Variants in IL13RA1 observed in about 807,000 individuals in gnomAD.
IL13RA1 encodes interleukin 13 receptor subunit alpha 1, also known as interleukin-13 receptor subunit alpha-1.
In IL13RA1, 14 loss-of-function variants were observed where a neutral mutation model predicts 33.8. The observed-to-expected ratio is 0.41, with a 90% CI of 0.27 to 0.65. The LOEUF (loss-of-function observed/expected upper bound fraction) is 0.65, where lower values mean the gene tolerates loss of function less well. Ranked by LOEUF, IL13RA1 falls within the 30% of genes least tolerant of loss-of-function variation. The pLI, the probability that IL13RA1 is intolerant of heterozygous loss-of-function variation, is 0.28. For missense variants in IL13RA1, 313 were observed against 327.0 expected (o/e 0.96, Z 0.33); for synonymous variants, 116 against 115.7 (o/e 1.00, Z -0.02).
intron 1 of IL13RA1, among the ~76,000 whole-genome samples, chrX:118,733,725 GT>G (rs1320563903): frequency 9.0e-6 from 1 of 111,437 alleles, no homozygotes; most frequent in Non-Finnish European, 1.9e-5. Flanking sequence ...TTTGTCTTAT[GT>G]TTTCTTCTAA....
At chrX:118,756,183 A>G (rs1416359968) in intron 4 of IL13RA1, among the ~76,000 whole-genome samples, 3 of 109,848 alleles carry the variant, frequency 2.7e-5, no homozygotes, top group Admixed American at 9.8e-5. Flanking sequence ...AGGATTTGGG[A>G]CTCTTTACTC....
chrX:118,781,475 C>G (rs1239285057), intron 10 of IL13RA1, among the ~76,000 whole-genome samples: 2 of 111,036 alleles, frequency 1.8e-5, no homozygotes, highest in African/African-American at 6.6e-5. Flanking sequence ...GCCTCAGCCT[C>G]CCGAGTAGCT....
intron 10 of IL13RA1, among the ~76,000 whole-genome samples, chrX:118,779,350 A>G (rs1310549234): frequency 8.9e-6 from 1 of 112,019 alleles, no homozygotes; most frequent in African/African-American, 3.2e-5. Flanking sequence ...TTAGAAGCCA[A>G]TGAAACATAA....
intron 10 of IL13RA1, among the ~76,000 whole-genome samples, chrX:118,784,553 AT>A (rs1437752494): frequency 9.0e-6 from 1 of 111,406 alleles, no homozygotes; most frequent in African/African-American, 3.3e-5. Flanking sequence ...GAACATCTCC[AT>A]TGTGTCCTCA....
the IL13RA1 span, among the ~76,000 whole-genome samples, chrX:118,802,929 C>T: frequency 8.9e-6 from 1 of 111,742 alleles, no homozygotes; most frequent in Non-Finnish European, 1.9e-5. Flanking sequence ...ATACAAGACA[C>T]CTTCCCCCTA....
At chrX:118,799,945 A>G in the IL13RA1 span, among the ~76,000 whole-genome samples, 44 of 97,164 alleles carry the variant, frequency 4.5e-4, no homozygotes, top group African/African-American at 1.4e-3. Flanking sequence ...CAGGGATTGT[A>G]AATACACCAA....
chrX:118,745,852 G>C (rs989969459), intron 2 of IL13RA1, among the ~76,000 whole-genome samples: 2 of 111,523 alleles, frequency 1.8e-5, no homozygotes, highest in African/African-American at 3.3e-5. Context: ...TAATTTCCCG[G>C]AGAGCCCATT....
intron 8 of IL13RA1, among the ~76,000 whole-genome samples, chrX:118,767,341 G>T (rs1751594427): frequency 9.0e-6 from 1 of 111,448 alleles, no homozygotes; most frequent in African/African-American, 3.3e-5. Flanking sequence ...AGGAGTTGGA[G>T]ACCAGCCTGA....
chrX:118,773,113 AAG>A (rs2017742870), intron 8 of IL13RA1, among the ~76,000 whole-genome samples: 1 of 112,415 alleles, frequency 8.9e-6, no homozygotes, highest in South Asian at 3.6e-4. Context: ...TATTTTGAAA[AAG>A]AGAGTTTACT....
intron 8 of IL13RA1, chrX:118,770,205 G>C (rs565331542): frequency 1.0e-5 from 3 of 293,372 alleles, no homozygotes; most frequent in Non-Finnish European, 2.0e-5. Context: ...TGCCCAGCAC[G>C]CTGCACCATC....
intron 10 of IL13RA1, among the ~76,000 whole-genome samples, chrX:118,785,412 T>G (rs769342837): frequency 9.0e-6 from 1 of 111,264 alleles, no homozygotes; most frequent in Admixed American, 9.6e-5. Context: ...CCCTTTCACA[T>G]CCTCTTGAAT....
intron 8 of IL13RA1, among the ~76,000 whole-genome samples, chrX:118,769,114 G>A (rs1301722483): frequency 2.7e-5 from 3 of 112,113 alleles, no homozygotes; most frequent in Non-Finnish European, 5.6e-5. Context: ...CTGCTGTTCT[G>A]TTTTTTAGAA....
At chrX:118,800,912 G>A in the IL13RA1 span, among the ~76,000 whole-genome samples, 1 of 111,339 alleles carries the variant, frequency 9.0e-6, no homozygotes, top group African/African-American at 3.3e-5. Context: ...TCAGCCTTCC[G>A]AGTAGCTGGG....
intron 1 of IL13RA1, among the ~76,000 whole-genome samples, chrX:118,737,688 T>C (rs1044937038): frequency 8.9e-6 from 1 of 112,525 alleles, no homozygotes; most frequent in African/African-American, 3.2e-5. Flanking sequence ...CAGGCCATTG[T>C]TTTATTTCAA....
intron 10 of IL13RA1, among the ~76,000 whole-genome samples, chrX:118,788,568 G>A (rs1447823502): frequency 2.7e-5 from 3 of 111,493 alleles, no homozygotes; most frequent in Non-Finnish European, 3.8e-5. Context: ...TATGGCCCCC[G>A]AAGCTGAAAA....
chrX:118,776,847 C>T (rs1220599872), intron 10 of IL13RA1, among the ~76,000 whole-genome samples: 4 of 108,283 alleles, frequency 3.7e-5, no homozygotes, highest in East Asian at 2.9e-4. Context: ...ACCTGTGGTC[C>T]CAGCTACTCA....
chrX:118,791,809 C>G lies in IL13RA1; in HGVS notation c.1239C>G (p.Thr413=). 9.2e-7 allele frequency: 1 copy of G among 1,085,520 alleles called. No individual in the cohort carries two copies. The highest frequency in any genetic ancestry group is 1.3e-6 in the Non-Finnish European group (1 of 783,398). The allele number at this position is 1,085,520 out of a possible 1,213,427, so 89.5% of individuals were successfully genotyped here. A position where few individuals can be genotyped will look rare whatever the true frequency, so the allele number is the denominator to read the frequency against. Residue 413 remains threonine (T), a synonymous_variant, in exon 11 of 11, where the codon ACC becomes ACG. Coordinates refer to ENST00000371666, the MANE Select transcript of IL13RA1 (RefSeq NM_001560.3). ...DIYEKQTKEE[T]DSVVLIENLK... is the part of the protein sequence containing the mutation. ...ATGAGAAGCAAACCAAGGAGGAAAC[C>G]GACTCTGTAGTGCTGATAGAAAACC... is the stretch of plus-strand genomic sequence containing the variant.
At chrX:118,780,241 A>G (rs989098278) in intron 10 of IL13RA1, among the ~76,000 whole-genome samples, 8 of 112,598 alleles carry the variant, frequency 7.1e-5, no homozygotes, top group African/African-American at 2.3e-4. Flanking sequence ...ATACTCTTTT[A>G]CTTCTAGCAT....
At chrX:118,762,441 C>G (rs1247322802) in intron 6 of IL13RA1, among the ~76,000 whole-genome samples, 5 of 112,066 alleles carry the variant, frequency 4.5e-5, no homozygotes, top group African/African-American at 1.6e-4. Flanking sequence ...TTAAAGGAGC[C>G]TAGCATCTCG....
Sources: allele counts gnomAD v4.1 joint callset (sites outside exome capture counted in the v4.1 genomes callset), GRCh38; gene constraint gnomAD v4.1.1; transcripts MANE v1.5; gene names NCBI Gene and HGNC (gene_info 2026-07-23, HGNC 2026-07-21).